Variants in MGAT4D observed in about 807,000 individuals in gnomAD.
MGAT4D encodes the protein MGAT4 family member D, also known as alpha-1,3-mannosyl-glycoprotein 4-beta-N-acetylglucosaminyltransferase-like protein MGAT4D.
Under a neutral mutation model 15.9 loss-of-function variants are expected in MGAT4D, and 34 were observed. That is an observed-to-expected ratio of 2.14 (90% CI 1.62 to 2.84). The LOEUF (loss-of-function observed/expected upper bound fraction) is 2.84. Ranked by LOEUF, MGAT4D falls within the 30% of genes most tolerant of loss-of-function variation. MGAT4D has a pLI of 0.00. For missense variants in MGAT4D, 327 were observed against 140.2 expected (o/e 2.33, Z -6.73); for synonymous variants, 112 against 48.2 (o/e 2.33, Z -5.49).
At chr4:140,469,579 C>T (rs183623757) in intron 5 of MGAT4D, among the ~76,000 whole-genome samples, 2 of 152,126 alleles carry the variant, frequency 1.3e-5, no homozygotes, top group South Asian at 2.1e-4. Flanking sequence ...GACCGGTAAC[C>T]GTCATTTTTC....
Position 140,443,017 on chromosome 4 carries a change from G to A in MGAT4D, c.*419C>T, listed in dbSNP as rs1311749243. ...GACATTGTGGCACTGTCAGATCCAG[G>A]CTTGTTTAAATTTGTGCTTTCTATT... On this transcript the variant is annotated 3_prime_UTR_variant, in exon 11 of 11. Transcript: ENST00000511113. The A allele has an allele frequency of 6.6e-6, 1 of 152,368 alleles. No individual in the cohort carries two copies. Among genetic ancestry groups the A allele is most frequent in the East Asian group, 1.9e-4 (1 of 5,202 alleles). The allele number at this position is 152,368 out of a possible 1,614,324, so 9.4% of individuals were successfully genotyped here.
At chr4:140,457,235 T>C (rs1287613517) in intron 8 of MGAT4D, 1 of 152,058 alleles carries the variant, frequency 6.6e-6, no homozygotes, top group East Asian at 1.9e-4. Context: ...TTTTAAATAT[T>C]ATTCCATTAG....
chr4:140,462,134 CT>C, intron 6 of MGAT4D, 130 bp from the exon 7 acceptor site: 1 of 524,228 alleles, frequency 1.9e-6, no homozygotes, highest in South Asian at 3.4e-5. Flanking sequence ...ACTAATTTTA[CT>C]TAATTAATTT....
chr4:140,473,033 C>T (rs1449997728), intron 4 of MGAT4D, among the ~76,000 whole-genome samples: 1 of 151,980 alleles, frequency 6.6e-6, no homozygotes, highest in Non-Finnish European at 1.5e-5. Context: ...TTCTTAATCC[C>T]AGCATTTAGA....
chr4:140,450,945 C>A (rs752119142), intron 10 of MGAT4D, among the ~76,000 whole-genome samples: 5 of 152,026 alleles, frequency 3.3e-5, no homozygotes, highest in Admixed American at 2.0e-4. Flanking sequence ...GAAAATGATG[C>A]AAAATTTTAA....
At chr4:140,459,799 CTT>C (rs576574327) in intron 7 of MGAT4D, among the ~76,000 whole-genome samples, 173 bp from the exon 8 acceptor site, 14,871 of 107,918 alleles carry the variant, frequency 0.14, 303 homozygotes, top group South Asian at 0.18. Flanking sequence ...AGTTGATTTC[CTT>C]TTTTTTTTTT....
Position 140,479,570 on chromosome 4 carries a change from T to C in MGAT4D, c.311A>G (p.Asp104Gly). 1 of 557,686 alleles carries C rather than the reference T, an allele frequency of 1.8e-6. No homozygotes were observed. The highest frequency in any genetic ancestry group is 3.2e-6 in the Non-Finnish European group (1 of 315,088). 34.5% of individuals were successfully genotyped at this position (557,686 alleles called of 1,614,324 possible). The change falls in exon 3 of 11, where the codon GAC becomes GGC. Residue 104 changes from aspartate to glycine, a missense_variant. Coordinates refer to ENST00000511113, the MANE Select transcript of MGAT4D (RefSeq NM_001277353.2). ...TAGATGAGGAAAAAAGAACTTTAAGTCTTCAAATGTATTAGATACTGTTTC... is the reference window on the plus strand; with the variant it reads ...TAGATGAGGAAAAAAGAACTTTAAGCCTTCAAATGTATTAGATACTGTTTC... ...KNETVSNTFE[D>G]LKFFFPHLRK...
rs1578646004 is a variant in MGAT4D, at chr4:140,455,295, T to C, written c.1008+1294A>G. On this transcript the variant is annotated intron_variant, in intron 9 of 10. Coordinates refer to ENST00000511113, the MANE Select transcript of MGAT4D (RefSeq NM_001277353.2). ...TGTATTTTCATTCATTTCAAAGAGT[T>C]GTCTAATTTCCTTTGAAACTTCTTC... Among the ~76,000 whole-genome samples the C allele has an allele frequency of 3.3e-5, 5 of 152,350 alleles. No homozygotes were observed. The East Asian group carries it at 9.6e-4, about 29-fold the overall frequency.
intron 1 of MGAT4D, among the ~76,000 whole-genome samples, chr4:140,484,516 A>G (rs1732963894): frequency 1.3e-5 from 2 of 152,230 alleles, no homozygotes; most frequent in African/African-American, 4.8e-5. Flanking sequence ...CTAAAACACC[A>G]AAAGCAATAG....
intron 9 of MGAT4D, among the ~76,000 whole-genome samples, chr4:140,452,201 A>C (rs1172053711): frequency 2.0e-5 from 3 of 151,968 alleles, no homozygotes; most frequent in Non-Finnish European, 4.4e-5. Flanking sequence ...ACAAACAATA[A>C]AAACCCCACA....
chr4:140,474,400 G>C (rs1307546403), intron 4 of MGAT4D, among the ~76,000 whole-genome samples: 1 of 152,144 alleles, frequency 6.6e-6, no homozygotes, highest in African/African-American at 2.4e-5. Flanking sequence ...AGGTGTTGTT[G>C]CTTAATACAA....
intron 1 of MGAT4D, among the ~76,000 whole-genome samples, chr4:140,494,855 T>C (rs1056993224): frequency 1.3e-5 from 2 of 152,134 alleles, no homozygotes; most frequent in Non-Finnish European, 2.9e-5. Context: ...AGGACTGCCC[T>C]CTCCCCGCAA....
At chr4:140,478,669 C>T (rs1284496102) in intron 3 of MGAT4D, among the ~76,000 whole-genome samples, 2 of 150,978 alleles carry the variant, frequency 1.3e-5, no homozygotes, top group Non-Finnish European at 2.9e-5. Flanking sequence ...AAGTGGAACA[C>T]AGAATGCAAT....
chr4:140,473,203 A>C (rs921677511), intron 4 of MGAT4D, among the ~76,000 whole-genome samples: 4 of 152,058 alleles, frequency 2.6e-5, no homozygotes, highest in Non-Finnish European at 5.9e-5. Flanking sequence ...ACATTATGTT[A>C]AACATGATGC....
At position 140,498,242 on chromosome 4, in the gene MGAT4D, G is replaced by A. The variant is rs534481296; in HGVS notation, c.-20C>T. 85 of 701,682 alleles carry A rather than the reference G, an allele frequency of 1.2e-4. No individual in the cohort carries two copies. The African/African-American group carries it at 1.3e-3, about 11-fold the overall frequency. 43.5% of individuals were successfully genotyped at this position (701,682 alleles called of 1,614,324 possible). ...CCTCATGGCCCTGGCCAGGCTGCGGGAGGCCGGCGGGTGGAGGCGGCGGAT... is the reference window on the plus strand; with the variant it reads ...CCTCATGGCCCTGGCCAGGCTGCGGAAGGCCGGCGGGTGGAGGCGGCGGAT... On this transcript the variant is annotated 5_prime_UTR_variant, in exon 1 of 11. Coordinates refer to ENST00000511113, the MANE Select transcript of MGAT4D (RefSeq NM_001277353.2).
At chr4:140,451,074 A>G (rs943530812) in intron 10 of MGAT4D, among the ~76,000 whole-genome samples, 18 of 152,200 alleles carry the variant, frequency 1.2e-4, no homozygotes, top group African/African-American at 4.3e-4. Flanking sequence ...TTTTTGAAAT[A>G]TTCTAGTATA....
intron 8 of MGAT4D, chr4:140,459,032 T>A (rs566779861): frequency 6.6e-6 from 1 of 152,266 alleles, no homozygotes; most frequent in African/African-American, 2.4e-5. Context: ...TCATAATGGG[T>A]ATAGTATTTG....
intron 1 of MGAT4D, among the ~76,000 whole-genome samples, chr4:140,493,474 T>G (rs1242126281): frequency 1.3e-5 from 2 of 151,850 alleles, no homozygotes; most frequent in Non-Finnish European, 2.9e-5. Flanking sequence ...TTTTTGTATT[T>G]TTAGTAGAGA....
chr4:140,459,899 A>T (rs1578655730), intron 7 of MGAT4D, among the ~76,000 whole-genome samples: 1 of 147,372 alleles, frequency 6.8e-6, no homozygotes, highest in Middle Eastern at 3.6e-3. Flanking sequence ...TGTCTGGCTA[A>T]TTTTTACATT....
Sources: gnomAD v4.1 joint callset for allele counts (sites outside exome capture counted in the v4.1 genomes callset) on GRCh38, gnomAD v4.1.1 for gene constraint, MANE v1.5 for transcripts, NCBI Gene and HGNC (gene_info 2026-07-23, HGNC 2026-07-21) for gene names.